Variants in CACNA2D3 observed in about 807,000 individuals in gnomAD.
CACNA2D3 encodes the protein calcium voltage-gated channel auxiliary subunit alpha2delta 3, also known as voltage-dependent calcium channel subunit alpha-2/delta-3.
In CACNA2D3, 60 loss-of-function variants were observed where a neutral mutation model predicts 160.6. That is an observed-to-expected ratio of 0.37 (90% CI 0.30 to 0.46). The LOEUF is 0.46. CACNA2D3 is among the 20% of genes least tolerant of loss of function. CACNA2D3 has a pLI of 1.00. For missense variants in CACNA2D3, 1,205 were observed against 1,365.0 expected (o/e 0.88, Z 1.85); for synonymous variants, 558 against 492.9 (o/e 1.13, Z -1.75).
At chr3:54,717,799 CGT>C (rs921372972) in intron 11 of CACNA2D3, among the ~76,000 whole-genome samples, 3 of 66,116 alleles carry the variant, frequency 4.5e-5, no homozygotes, top group Non-Finnish European at 6.4e-5. Context: ...GTGTGGTGTG[CGT>C]GTGTGCGCAT....
intron 11 of CACNA2D3, among the ~76,000 whole-genome samples, chr3:54,747,792 C>T (rs538482613): frequency 1.3e-5 from 2 of 152,214 alleles, no homozygotes; most frequent in Admixed American, 6.5e-5. Flanking sequence ...GTTCCTTCTC[C>T]CCCACTCCAT....
intron 2 of CACNA2D3, among the ~76,000 whole-genome samples, chr3:54,243,892 G>A (rs1436856752): frequency 6.6e-6 from 1 of 152,170 alleles, no homozygotes; most frequent in African/African-American, 2.4e-5. Context: ...ATATGGAGAT[G>A]GAAATTAGAA....
chr3:54,889,821 T>G (rs1250087812), intron 24 of CACNA2D3, among the ~76,000 whole-genome samples: 1 of 152,228 alleles, frequency 6.6e-6, no homozygotes, highest in East Asian at 1.9e-4. Flanking sequence ...CTTTCTCTAG[T>G]AAACCTTGTA....
chr3:55,061,786 T>G (rs528235869), intron 35 of CACNA2D3, among the ~76,000 whole-genome samples: 1 of 152,310 alleles, frequency 6.6e-6, no homozygotes, highest in East Asian at 1.9e-4. Flanking sequence ...ACCCATTGCT[T>G]TCTCCAGGGG....
At chr3:54,644,030 T>C (rs1308932196) in intron 11 of CACNA2D3, among the ~76,000 whole-genome samples, 1 of 152,192 alleles carries the variant, frequency 6.6e-6, no homozygotes, top group Non-Finnish European at 1.5e-5. Context: ...GTCTCACATG[T>C]TGTATCACAT....
chr3:55,041,165 T>C (rs1320252272), intron 35 of CACNA2D3, among the ~76,000 whole-genome samples: 1 of 152,224 alleles, frequency 6.6e-6, no homozygotes. Flanking sequence ...TACAATTGCT[T>C]GCTCAGTCTC....
chr3:54,139,395 A>C (rs1699878257), intron 2 of CACNA2D3, among the ~76,000 whole-genome samples: 1 of 152,260 alleles, frequency 6.6e-6, no homozygotes, highest in South Asian at 2.1e-4. Context: ...CAGACAAGGC[A>C]GACTTAGCTG....
At chr3:54,180,117 TAAA>T (rs1700756755) in intron 2 of CACNA2D3, among the ~76,000 whole-genome samples, 2 of 150,292 alleles carry the variant, frequency 1.3e-5, no homozygotes, top group Non-Finnish European at 1.5e-5. Flanking sequence ...TTTTTTTTGT[TAAA>T]CCTTATTTGG....
chr3:54,576,668 G>A (rs1294907362), intron 8 of CACNA2D3, among the ~76,000 whole-genome samples: 2 of 152,130 alleles, frequency 1.3e-5, no homozygotes, highest in Non-Finnish European at 2.9e-5. Context: ...GAAGATTGTG[G>A]GTTTGTCTCA....
intron 17 of CACNA2D3, among the ~76,000 whole-genome samples, chr3:54,847,063 C>G (rs991238436): frequency 8.5e-5 from 13 of 152,206 alleles, no homozygotes; most frequent in African/African-American, 3.1e-4. Context: ...TTCTTTCTCT[C>G]AGTATCATTT....
rs1415261924 is a variant in CACNA2D3, at chr3:54,386,740, C to G, written c.347C>G (p.Ala116Gly). The change falls in exon 4 of 38, where the codon GCA becomes GGA. Residue 116 changes from alanine (A) to glycine (G), a missense_variant. By Grantham distance (60) the Ala-to-Gly change is moderately conservative. Coordinates refer to ENST00000474759, the MANE Select transcript of CACNA2D3 (RefSeq NM_018398.3). ...CGTCTGGTGGAGGCTGCAGAAGAAG[C>G]ACACCTGAAACATGAATTTGATGCA... ...VRRLVEAAEE[A>G]HLKHEFDADL... The G allele has an allele frequency of 6.4e-7, 1 of 1,573,830 alleles. No homozygotes were observed. The highest frequency in any genetic ancestry group is 1.8e-5 in the Admixed American group (1 of 55,750).
At chr3:54,873,139 C>T (rs911394876) in intron 18 of CACNA2D3, among the ~76,000 whole-genome samples, 1 of 152,010 alleles carries the variant, frequency 6.6e-6, no homozygotes, top group African/African-American at 2.4e-5. Flanking sequence ...CAGTTGTCCC[C>T]ACCTCATAGA....
chr3:55,060,764 A>G (rs1012013477), intron 35 of CACNA2D3, among the ~76,000 whole-genome samples: 13 of 152,120 alleles, frequency 8.5e-5, no homozygotes, highest in African/African-American at 3.1e-4. Context: ...TGAAGACCCT[A>G]GTACAAAGAA....
At chr3:54,467,755 T>G (rs1000047997) in intron 4 of CACNA2D3, among the ~76,000 whole-genome samples, 4 of 152,046 alleles carry the variant, frequency 2.6e-5, no homozygotes, top group African/African-American at 9.7e-5. Flanking sequence ...GGGGAGAGAT[T>G]GGTTGATAGG....
chr3:54,496,636 T>C (rs1701207601), intron 4 of CACNA2D3, among the ~76,000 whole-genome samples: 2 of 152,214 alleles, frequency 1.3e-5, no homozygotes, highest in South Asian at 4.1e-4. Context: ...GACCAGAAGT[T>C]TTGAATTTTC....
chr3:54,641,936 T>TA (rs144679080), intron 10 of CACNA2D3, among the ~76,000 whole-genome samples, 192 bp from the exon 11 acceptor site: 2,715 of 152,280 alleles, frequency 0.018, 93 homozygotes, highest in African/African-American at 0.061. Context: ...ATTTTTGGCT[T>TA]AAAGATCCAA....
intron 21 of CACNA2D3, among the ~76,000 whole-genome samples, chr3:54,883,514 A>G (rs564406149): frequency 1.3e-5 from 2 of 152,148 alleles, no homozygotes; most frequent in Non-Finnish European, 2.9e-5. Context: ...AGTCAAAAAG[A>G]TCTTCCCGAT....
At chr3:54,934,095 C>T (rs1161273467) in intron 27 of CACNA2D3, among the ~76,000 whole-genome samples, 1 of 152,130 alleles carries the variant, frequency 6.6e-6, no homozygotes, top group Non-Finnish European at 1.5e-5. Context: ...ACTTTTGATA[C>T]AAATTACAAA....
At position 54,687,135 on chromosome 3, in the gene CACNA2D3, G is replaced by GTT. The variant is rs1290353261; in HGVS notation, c.1167+44908_1167+44909dup. ...TTTTTCTTTTTCTTTTTTTTTTTTT[G>GTT]TTTTTTTTTTTTTTTGTTTTTTTGA... On this transcript the variant is annotated intron_variant, in intron 11 of 37. Coordinates refer to ENST00000474759, the MANE Select transcript of CACNA2D3 (RefSeq NM_018398.3). Among the ~76,000 whole-genome samples, 18 of 88,894 alleles carry GTT rather than the reference G, an allele frequency of 2.0e-4. 1 individual carries two copies. Among genetic ancestry groups the GTT allele is most frequent in the Admixed American group, 1.8e-3 (13 of 7,384 alleles). The allele number at this position is 88,894 out of a possible 152,430, so 58.3% of individuals were successfully genotyped here.
Sources: gnomAD v4.1 joint callset for allele counts (sites outside exome capture counted in the v4.1 genomes callset) on GRCh38, gnomAD v4.1.1 for gene constraint, MANE v1.5 for transcripts, NCBI Gene and HGNC (gene_info 2026-07-23, HGNC 2026-07-21) for gene names.